Variants in SPTBN1 observed in about 807,000 individuals in gnomAD.
SPTBN1 encodes spectrin beta, non-erythrocytic 1, also known as spectrin beta chain, non-erythrocytic 1.
Under a neutral mutation model 266.4 loss-of-function variants are expected in SPTBN1, and 32 were observed. That is an observed-to-expected ratio of 0.12 (90% CI 0.09 to 0.16). SPTBN1 has a LOEUF of 0.16. Ranked by LOEUF, SPTBN1 falls within the 10% of genes least tolerant of loss-of-function variation. The probability of loss-of-function intolerance (pLI) is 1.00; values close to 1 mark genes in which losing one functional copy is unlikely to be tolerated. For missense variants in SPTBN1, 2,296 were observed against 3,067.1 expected, an observed-to-expected ratio of 0.75 and a Z score of 5.94; for synonymous variants, 1,336 against 1,162.2, an observed-to-expected ratio of 1.15 and a Z score of -3.04.
intron 2 of SPTBN1, among the ~76,000 whole-genome samples, chr2:54,557,315 T>G (rs1394534291): frequency 4.0e-5 from 6 of 151,360 alleles, no homozygotes; most frequent in African/African-American, 1.5e-4. Flanking sequence ...CCTTCTTCAG[T>G]GAGTATTGCT....
chr2:54,637,994 A>G (rs1679266924), intron 18 of SPTBN1, among the ~76,000 whole-genome samples, 191 bp downstream of exon 18: 2 of 152,340 alleles, frequency 1.3e-5, no homozygotes, highest in South Asian at 4.1e-4. Context: ...TAATTAGATC[A>G]TTATAATCTA....
At chr2:54,643,201 C>T in intron 19 of SPTBN1, 72 bp downstream of exon 19, 1 of 1,582,086 alleles carries the variant, frequency 6.3e-7, no homozygotes, top group Non-Finnish European at 8.6e-7. Context: ...TTTTATTTAG[C>T]ACATTTTCCA....
In SPTBN1 at chr2:54,582,853, G is replaced by A. The variant is rs555731237; in HGVS notation, c.149-16239G>A. Among the ~76,000 whole-genome samples, 6 of 152,180 alleles carry A rather than the reference G, an allele frequency of 3.9e-5. No individual in the cohort carries two copies. The South Asian group carries it at 1.2e-3, about 32-fold the overall frequency. ...GGACTGTGCTTGCTTCGTGACTGTG[G>A]GCAAATAACTGAATTTTTCTAGGCT... On this transcript the variant is annotated intron_variant, in intron 2 of 35. Transcript: ENST00000356805.
intron 6 of SPTBN1, 41 bp downstream of exon 6, chr2:54,617,729 G>T (rs749854179): frequency 6.3e-7 from 1 of 1,599,792 alleles, no homozygotes; most frequent in Non-Finnish European, 8.6e-7. Context: ...TGGGGTAAAA[G>T]GTTGCTGTCC....
Position 54,625,967 on chromosome 2 carries a change from C to A in SPTBN1, c.1377C>A (p.Ala459=). The A allele has an allele frequency of 6.2e-7, 1 of 1,613,930 alleles. No individual in the cohort carries two copies. The highest frequency in any genetic ancestry group is 8.5e-7 in the Non-Finnish European group (1 of 1,179,882). ...NFGFDLPAVE[A]ATKKHEAIET... ...GGTTTGACCTTCCTGCAGTTGAGGC[C>A]GCCACAAAAAAGCACGAGGCCATTG... Residue 459 remains alanine (A), a synonymous_variant, in exon 12 of 36, where the codon GCC becomes GCA. Coordinates refer to ENST00000356805, the MANE Select transcript of SPTBN1 (RefSeq NM_003128.3).
intron 2 of SPTBN1, among the ~76,000 whole-genome samples, chr2:54,560,934 A>G (rs2104470739): frequency 6.6e-6 from 1 of 152,076 alleles, no homozygotes; most frequent in Middle Eastern, 3.4e-3. Flanking sequence ...CACACACAAA[A>G]CCTTTCTTTA....
At chr2:54,630,096 CG>C in intron 15 of SPTBN1, 67 bp downstream of exon 15, 1 of 1,557,912 alleles carries the variant, frequency 6.4e-7, no homozygotes, top group South Asian at 1.2e-5. Flanking sequence ...GGTCACTCAT[CG>C]AGCTTTGCTG....
At chr2:54,578,642 A>G (rs1401662071) in intron 2 of SPTBN1, among the ~76,000 whole-genome samples, 1 of 152,090 alleles carries the variant, frequency 6.6e-6, no homozygotes, top group Admixed American at 6.5e-5. Context: ...CCCATTCATT[A>G]TGATCTATAT....
intron 2 of SPTBN1, among the ~76,000 whole-genome samples, chr2:54,560,918 A>AAC (rs1480966963): frequency 6.6e-6 from 1 of 152,140 alleles, no homozygotes; most frequent in African/African-American, 2.4e-5. Flanking sequence ...ATTTTGATTA[A>AAC]ACACACACAC....
chr2:54,651,360 A>G (rs988588016), intron 26 of SPTBN1, among the ~76,000 whole-genome samples: 2 of 109,762 alleles, frequency 1.8e-5, no homozygotes, highest in African/African-American at 4.2e-5. Flanking sequence ...GCACCTCACC[A>G]TACCCACTGG....
At chr2:54,572,908 G>A (rs2104530740) in intron 2 of SPTBN1, among the ~76,000 whole-genome samples, 1 of 152,284 alleles carries the variant, frequency 6.6e-6, no homozygotes, top group Middle Eastern at 3.4e-3. Context: ...CTAGAGCAGT[G>A]TGACCCACGG....
intron 2 of SPTBN1, among the ~76,000 whole-genome samples, chr2:54,589,734 A>T (rs1478889834): frequency 6.6e-6 from 1 of 152,196 alleles, no homozygotes; most frequent in African/African-American, 2.4e-5. Context: ...TTGCTGCCTC[A>T]AGATAACAGT....
intron 4 of SPTBN1, among the ~76,000 whole-genome samples, chr2:54,615,921 G>A (rs949909249): frequency 3.9e-5 from 6 of 152,196 alleles, no homozygotes; most frequent in African/African-American, 1.4e-4. Context: ...CCCTGTGCTA[G>A]ATTCTCACTG....
At chr2:54,485,804 G>A (rs1668340477) in intron 1 of SPTBN1, among the ~76,000 whole-genome samples, 2 of 149,380 alleles carry the variant, frequency 1.3e-5, no homozygotes, top group African/African-American at 2.5e-5. Flanking sequence ...CTGCCCGGCC[G>A]CCCGTCGTCT....
At chr2:54,577,722 T>C (rs1003177505) in intron 2 of SPTBN1, among the ~76,000 whole-genome samples, 15 of 152,340 alleles carry the variant, frequency 9.8e-5, no homozygotes, top group Non-Finnish European at 1.6e-4. Flanking sequence ...AACTAGTAAA[T>C]GGAGCCAGGA....
intron 2 of SPTBN1, among the ~76,000 whole-genome samples, chr2:54,541,021 AC>A (rs1671902792): frequency 1.3e-5 from 2 of 152,218 alleles, no homozygotes; most frequent in Non-Finnish European, 2.9e-5. Context: ...AACAACAAAA[AC>A]AATCTAGTAA....
chr2:54,514,928 A>T (rs559326748), intron 1 of SPTBN1, among the ~76,000 whole-genome samples: 2 of 152,326 alleles, frequency 1.3e-5, no homozygotes, highest in East Asian at 3.9e-4. Context: ...TGGGGACTAG[A>T]TTGCTTTTGT....
chr2:54,623,714 T>C (rs1678143622), intron 10 of SPTBN1, 118 bp downstream of exon 10: 2 of 789,230 alleles, frequency 2.5e-6, no homozygotes, highest in Non-Finnish European at 4.1e-6. Flanking sequence ...ACCTGCCGAA[T>C]TGACAATTGG....
chr2:54,493,645 AC>A (rs1668810670), intron 1 of SPTBN1, among the ~76,000 whole-genome samples: 2 of 150,950 alleles, frequency 1.3e-5, no homozygotes, highest in South Asian at 4.2e-4. Flanking sequence ...CAAGTTATCC[AC>A]CTGCCTTGGC....
Sources: gnomAD v4.1 joint callset for allele counts (sites outside exome capture counted in the v4.1 genomes callset) on GRCh38, gnomAD v4.1.1 for gene constraint, MANE v1.5 for transcripts, NCBI Gene and HGNC (gene_info 2026-07-23, HGNC 2026-07-21) for gene names.